UACA: variants seen among roughly 807,000 people sequenced by gnomAD.
The protein encoded by UACA is uveal autoantigen with coiled-coil domains and ankyrin repeats, also known as nuclear membrane binding protein.
In UACA, 112 loss-of-function variants were observed where a neutral mutation model predicts 160.5. The observed-to-expected ratio is 0.70, with a 90% CI of 0.60 to 0.82. UACA has a LOEUF of 0.82. Ranked by LOEUF, UACA falls within the 40% of genes least tolerant of loss-of-function variation. UACA has a pLI of 0.00. For synonymous variants in UACA, 557 were observed against 568.4 expected (o/e 0.98, Z 0.29); for missense variants, 1,574 against 1,614.6 (o/e 0.97, Z 0.43).
At chr15:70,719,035 A>G (rs1433246975) in intron 1 of UACA, among the ~76,000 whole-genome samples, 1 of 151,636 alleles carries the variant, frequency 6.6e-6, no homozygotes, top group East Asian at 1.9e-4. Flanking sequence ...AGGAGGAAGG[A>G]AGGGAGGAAG....
At chr15:70,757,604 A>G (rs563213020) in intron 1 of UACA, among the ~76,000 whole-genome samples, 1 of 152,366 alleles carries the variant, frequency 6.6e-6, no homozygotes, top group East Asian at 1.9e-4. Context: ...TACAGTTCTC[A>G]CAGGAAATGC....
intron 1 of UACA, among the ~76,000 whole-genome samples, chr15:70,744,248 CAAAAAAAAAA>C (rs5813608): frequency 7.4e-4 from 48 of 64,732 alleles, no homozygotes; most frequent in Non-Finnish European, 1.2e-3. Context: ...GACTCTGTCT[CAAAAAAAAAA>C]AAAAAAAAAA....
In UACA at chr15:70,695,028, C is replaced by T; in HGVS notation, c.290G>A (p.Ser97Asn). ...ILIHGVDITT[S>N]DTAGRNALHL... ...GGAGGCAAACATACCTGCAGTGTCA[C>T]TGGTTGTAATATCAACTCCATGTAT... Residue 97 changes from serine to asparagine, a missense_variant, in exon 3 of 19, where the codon AGT becomes AAT. Coordinates refer to ENST00000322954, the MANE Select transcript of UACA (RefSeq NM_018003.4). The T allele has an allele frequency of 1.2e-6, 2 of 1,608,662 alleles. No individual in the cohort carries two copies. The highest frequency in any genetic ancestry group is 1.7e-6 in the Non-Finnish European group (2 of 1,176,848).
At chr15:70,728,902 G>C (rs1163755120) in intron 1 of UACA, among the ~76,000 whole-genome samples, 1 of 152,022 alleles carries the variant, frequency 6.6e-6, no homozygotes, top group Non-Finnish European at 1.5e-5. Context: ...CCTCTCAAAA[G>C]AACACATACA....
Position 70,691,840 on chromosome 15 carries a change from C to G in UACA, c.302-477G>C, listed in dbSNP as rs113756028. ...GGTATTCCTTAACTGATTTTTCATGCTTTGGCTAAAATTCAAAGTTTATTA... is the reference window on the plus strand; with the variant it reads ...GGTATTCCTTAACTGATTTTTCATGGTTTGGCTAAAATTCAAAGTTTATTA... On this transcript the variant is annotated intron_variant, in intron 3 of 18. Transcript: ENST00000322954. Among the ~76,000 whole-genome samples the G allele has an allele frequency of 2.9e-4, 44 of 152,262 alleles. 1 individual carries two copies. The East Asian group carries it at 7.3e-3, about 25-fold the overall frequency.
At chr15:70,737,429 G>A in intron 1 of UACA, among the ~76,000 whole-genome samples, 1 of 152,184 alleles carries the variant, frequency 6.6e-6, no homozygotes. Context: ...AAACTTGGCT[G>A]GGCACAGTGG....
At chr15:70,698,271 T>G (rs1243428512) in intron 2 of UACA, among the ~76,000 whole-genome samples, 1 of 152,188 alleles carries the variant, frequency 6.6e-6, no homozygotes, top group Non-Finnish European at 1.5e-5. Flanking sequence ...TGGGCAGAAC[T>G]GATTTCAGTG....
At chr15:70,675,127 A>AT (rs147778665) in intron 13 of UACA, among the ~76,000 whole-genome samples, 2,403 of 152,298 alleles carry the variant, frequency 0.016, 53 homozygotes, top group African/African-American at 0.056. Context: ...GAAACCCCTC[A>AT]TGGGTAAACC....
At chr15:70,707,827 T>C (rs1232031779) in intron 1 of UACA, among the ~76,000 whole-genome samples, 1 of 152,138 alleles carries the variant, frequency 6.6e-6, no homozygotes, top group East Asian at 1.9e-4. Context: ...ACTGTGGGGA[T>C]TGTAAAATAG....
At chr15:70,680,130 T>C (rs1306173021) in intron 9 of UACA, 2 of 151,780 alleles carry the variant, frequency 1.3e-5, no homozygotes, top group East Asian at 3.8e-4. Flanking sequence ...CAAAATAAAA[T>C]ATCAAGAGGT....
chr15:70,777,870 G>T, the UACA span, among the ~76,000 whole-genome samples: 1 of 152,152 alleles, frequency 6.6e-6, no homozygotes, highest in African/African-American at 2.4e-5. Flanking sequence ...TTCTAAGATG[G>T]GAGATATTAA....
At position 70,669,343 on chromosome 15, in the gene UACA, T is replaced by C. The variant is rs764857714; in HGVS notation, c.1341A>G (p.Glu447=). ...SENEILKKEL[E]AMRTFCESAK... ...CTGACTCACAGAAAGTTCGCATTGC[T>C]TCTAACTCTTTCTTTAAAATTTCAT... The change falls in exon 16 of 19, where the codon GAA becomes GAG. Residue 447 remains glutamate (E), a synonymous_variant. Coordinates refer to ENST00000322954, the MANE Select transcript of UACA (RefSeq NM_018003.4). 1 of 1,614,074 alleles carries C rather than the reference T, an allele frequency of 6.2e-7. No homozygotes were observed. The highest frequency in any genetic ancestry group is 2.2e-5 in the East Asian group (1 of 44,872).
chr15:70,679,742 A>G lies in UACA; in HGVS notation c.823-66T>C, dbSNP rs575023336. 1.8e-5 allele frequency: 18 copies of G among 973,152 alleles called. No individual in the cohort carries two copies. The South Asian group carries it at 2.2e-4, about 12-fold the overall frequency. The allele number at this position is 973,152 out of a possible 1,614,324, so 60.3% of individuals were successfully genotyped here. A position where few individuals can be genotyped will look rare whatever the true frequency, so the allele number is the denominator to read the frequency against. On this transcript the variant is annotated intron_variant, in intron 9 of 18. Transcript: ENST00000322954. ...GAATACAGAAAAGTATATTTTCCTC[A>G]ATTGGCAATACACCCAGTTAGTGAT...
rs1896653756 is a variant in UACA, at chr15:70,660,164, A to C, written c.4166T>G (p.Leu1389Arg). Residue 1389 changes from leucine (L) to arginine (R), a missense_variant, in exon 18 of 19, where the codon CTT becomes CGT. Physicochemically the swap from Leu to Arg is moderately radical, Grantham distance 102 (BLOSUM62 -2). Coordinates refer to ENST00000322954, the MANE Select transcript of UACA (RefSeq NM_018003.4). Reference sequence around the variant, plus strand: ...GTAGTTCTTTACCTGTGCAGCACTAAGAAGGTGTGTCCGATAAATTGCAAT... The same window carrying C: ...GTAGTTCTTTACCTGTGCAGCACTACGAAGGTGTGTCCGATAAATTGCAAT... Reference protein sequence around the residue: ...EVIAIYRTHLLSAAQGHMDED... With the variant: ...EVIAIYRTHLRSAAQGHMDED... The C allele has an allele frequency of 6.2e-7, 1 of 1,613,544 alleles. No individual in the cohort carries two copies. The highest frequency in any genetic ancestry group is 8.5e-7 in the Non-Finnish European group (1 of 1,179,584).
upstream of UACA, among the ~76,000 whole-genome samples, chr15:70,766,251 T>C (rs1356116230): frequency 2.0e-5 from 3 of 152,198 alleles, no homozygotes; most frequent in Admixed American, 6.5e-5. Context: ...TTTACATTGA[T>C]CTGGAAGCTG....
At chr15:70,710,695 C>T (rs1168363500) in intron 1 of UACA, among the ~76,000 whole-genome samples, 1 of 152,218 alleles carries the variant, frequency 6.6e-6, no homozygotes, top group Non-Finnish European at 1.5e-5. Flanking sequence ...CCTATGCTTA[C>T]TCGTTTATTG....
chr15:70,768,156 A>C (rs2031060925), upstream of UACA: 1 of 152,210 alleles, frequency 6.6e-6, no homozygotes, highest in African/African-American at 2.4e-5. Flanking sequence ...GTTACTCAGC[A>C]CTAAAATTTC....
At chr15:70,769,730 G>A in the UACA span, among the ~76,000 whole-genome samples, 2 of 151,824 alleles carry the variant, frequency 1.3e-5, no homozygotes, top group African/African-American at 4.8e-5. Context: ...GCCAGGCACG[G>A]TCACATCTGT....
chr15:70,740,449 AT>A (rs1401165361), intron 1 of UACA, among the ~76,000 whole-genome samples: 1 of 3,192 alleles, frequency 3.1e-4, no homozygotes, highest in African/African-American at 1.3e-3. Flanking sequence ...CCTTGTCTCT[AT>A]TAAAAAAAAA....
Sources: allele counts gnomAD v4.1 joint callset (sites outside exome capture counted in the v4.1 genomes callset), GRCh38; gene constraint gnomAD v4.1.1; transcripts MANE v1.5; gene names NCBI Gene and HGNC (gene_info 2026-07-23, HGNC 2026-07-21).